The following SMAD1 variants were observed in gnomAD, a reference collection of about 807,000 sequenced individuals.
SMAD1 encodes the protein SMAD family member 1.
SMAD1 carries 6 observed loss-of-function variants against 41.6 expected under a neutral mutation model. The ratio of observed to expected loss-of-function variants is 0.14; its 90% confidence interval spans 0.08 to 0.28. SMAD1 has a LOEUF of 0.28. Among genes scored for constraint, SMAD1 ranks in the 10% least tolerant of loss-of-function variants. SMAD1 has a pLI of 1.00. For synonymous variants in SMAD1, 206 were observed against 203.2 expected (o/e 1.01, Z -0.12); for missense variants, 379 against 582.6 (o/e 0.65, Z 3.60).
At chr4:145,517,676 AATTT>A (rs1441781470) in intron 2 of SMAD1, among the ~76,000 whole-genome samples, 4 of 70,056 alleles carry the variant, frequency 5.7e-5, no homozygotes, top group Admixed American at 1.2e-4. Flanking sequence ...TTTAGTGCTG[AATTT>A]TCAGTTTATC....
In SMAD1 at chr4:145,527,425, G is replaced by A. The variant is rs371880981; in HGVS notation, c.401-12379G>A. Reference sequence around the variant, plus strand: ...TTTTTAGTAGAGACGGGGTTTCACCGTTTTAGCCGGGATGGTCTCGATCTC... The same window carrying A: ...TTTTTAGTAGAGACGGGGTTTCACCATTTTAGCCGGGATGGTCTCGATCTC... On this transcript the variant is annotated intron_variant, in intron 2 of 6. Coordinates refer to ENST00000302085, the MANE Select transcript of SMAD1 (RefSeq NM_005900.3). 6.0e-3 allele frequency among the ~76,000 whole-genome samples: 906 copies of A among 152,000 alleles called. 34 individuals are homozygous for A. The highest frequency in any genetic ancestry group is 0.046 in the South Asian group (222 of 4,816).
intron 2 of SMAD1, among the ~76,000 whole-genome samples, chr4:145,534,605 A>G (rs1425419534): frequency 1.3e-5 from 2 of 152,226 alleles, no homozygotes; most frequent in African/African-American, 2.4e-5. Flanking sequence ...TTAAATGTCT[A>G]AAAGACTCGA....
intron 1 of SMAD1, among the ~76,000 whole-genome samples, chr4:145,501,574 C>T (rs1729439461): frequency 6.6e-6 from 1 of 151,982 alleles, no homozygotes; most frequent in Admixed American, 6.6e-5. Flanking sequence ...TCATAAACAG[C>T]ACCTGTGAGA....
At chr4:145,551,335 A>G (rs1732545875) in intron 5 of SMAD1, among the ~76,000 whole-genome samples, 1 of 152,218 alleles carries the variant, frequency 6.6e-6, no homozygotes, top group Admixed American at 6.5e-5. Flanking sequence ...ATGCAAACAG[A>G]TTAATGAGTT....
intron 2 of SMAD1, chr4:145,525,705 C>T (rs974415157): frequency 6.6e-6 from 1 of 152,322 alleles, no homozygotes; most frequent in Non-Finnish European, 1.5e-5. Flanking sequence ...TTACCCACTC[C>T]ACTTTTCTAA....
chr4:145,523,807 G>C (rs751121805), intron 2 of SMAD1, among the ~76,000 whole-genome samples: 11 of 152,166 alleles, frequency 7.2e-5, no homozygotes, highest in Non-Finnish European at 1.5e-4. Flanking sequence ...CCTTAGGGTG[G>C]GGTGGGTGCC....
At chr4:145,527,084 T>C (rs1004566226) in intron 2 of SMAD1, among the ~76,000 whole-genome samples, 2 of 152,184 alleles carry the variant, frequency 1.3e-5, no homozygotes, top group Admixed American at 6.6e-5. Flanking sequence ...ATTTGTAATG[T>C]AAGCAACTTT....
At chr4:145,531,417 T>C (rs1224777056) in intron 2 of SMAD1, among the ~76,000 whole-genome samples, 1 of 152,126 alleles carries the variant, frequency 6.6e-6, no homozygotes, top group Non-Finnish European at 1.5e-5. Context: ...CTCACAAGAA[T>C]TGCTGCAGCT....
intron 1 of SMAD1, among the ~76,000 whole-genome samples, chr4:145,510,929 A>G (rs985874843): frequency 6.6e-6 from 1 of 152,182 alleles, no homozygotes; most frequent in African/African-American, 2.4e-5. Context: ...ACTCATCACT[A>G]TAAAATGTCC....
At chr4:145,530,275 TG>T (rs1483538359) in intron 2 of SMAD1, among the ~76,000 whole-genome samples, 2 of 152,100 alleles carry the variant, frequency 1.3e-5, no homozygotes, top group South Asian at 2.1e-4. Flanking sequence ...AAAGGCACCA[TG>T]GGAGTGCTGT....
chr4:145,541,809 T>C (rs1369202189), intron 3 of SMAD1, among the ~76,000 whole-genome samples: 1 of 152,240 alleles, frequency 6.6e-6, no homozygotes, highest in Non-Finnish European at 1.5e-5. Context: ...TCATGATAGC[T>C]AGTGAGGAGC....
intron 3 of SMAD1, 21 bp from the exon 4 acceptor site, chr4:145,542,561 A>G: frequency 4.1e-6 from 6 of 1,464,758 alleles, no homozygotes; most frequent in Non-Finnish European, 5.7e-6. Context: ...TTAAGAAATA[A>G]CTTCTTTAAA....
At chr4:145,531,990 C>T (rs898613603) in intron 2 of SMAD1, among the ~76,000 whole-genome samples, 1 of 152,184 alleles carries the variant, frequency 6.6e-6, no homozygotes, top group Non-Finnish European at 1.5e-5. Context: ...CCACTGACAA[C>T]TTGGTGATAG....
chr4:145,501,995 T>C (rs535779840), intron 1 of SMAD1, among the ~76,000 whole-genome samples: 50 of 152,362 alleles, frequency 3.3e-4, no homozygotes, highest in African/African-American at 1.2e-3. Context: ...CATTCATAAC[T>C]AGCCACTTAC....
At chr4:145,539,048 C>G (rs1208877486) in intron 2 of SMAD1, among the ~76,000 whole-genome samples, 1 of 152,128 alleles carries the variant, frequency 6.6e-6, no homozygotes, top group Non-Finnish European at 1.5e-5. Flanking sequence ...AGGTGCCTAC[C>G]TATTGGGCCG....
At chr4:145,496,279 G>T (rs1055445470) in intron 1 of SMAD1, among the ~76,000 whole-genome samples, 1 of 152,054 alleles carries the variant, frequency 6.6e-6, no homozygotes. Context: ...AACCAAGGGG[G>T]GGACTACTGT....
chr4:145,510,797 G>GT (rs1349322879), intron 1 of SMAD1, among the ~76,000 whole-genome samples: 1 of 152,004 alleles, frequency 6.6e-6, no homozygotes, highest in Non-Finnish European at 1.5e-5. Flanking sequence ...CATTTATTAT[G>GT]TTAATCTCCC....
intron 6 of SMAD1, among the ~76,000 whole-genome samples, chr4:145,556,023 T>G (rs956162474): frequency 1.1e-4 from 16 of 152,162 alleles, no homozygotes; most frequent in East Asian, 9.6e-4. Context: ...AAAACTGTTC[T>G]TTATTATAAG....
chr4:145,487,805 C>T lies in SMAD1; in HGVS notation c.-177+5767C>T, dbSNP rs148516769. 4.4e-3 allele frequency among the ~76,000 whole-genome samples: 669 copies of T among 152,228 alleles called. 5 individuals are homozygous for T. The highest frequency in any genetic ancestry group is 0.015 in the African/African-American group (635 of 41,538). ...AAAACAGTAATGTCTGTAGCTATTG[C>T]GGGCTGACTTGCAGAAATGAGCGGC... On this transcript the variant is annotated intron_variant, in intron 1 of 6. Transcript: ENST00000302085.
Sources: allele counts gnomAD v4.1 joint callset (sites outside exome capture counted in the v4.1 genomes callset), GRCh38; gene constraint gnomAD v4.1.1; transcripts MANE v1.5; gene names NCBI Gene and HGNC (gene_info 2026-07-23, HGNC 2026-07-21).